The following USP10 variants were observed in gnomAD, a reference collection of about 807,000 sequenced individuals.
The protein encoded by USP10 is ubiquitin carboxyl-terminal hydrolase 10.
USP10 carries 22 observed loss-of-function variants against 84.5 expected under a neutral mutation model. The observed-to-expected ratio is 0.26, with a 90% confidence interval of 0.19 to 0.37. The LOEUF is 0.37. Among genes scored for constraint, USP10 ranks in the 10% least tolerant of loss-of-function variants. The probability of loss-of-function intolerance (pLI) is 1.00; values close to 1 mark genes in which losing one functional copy is unlikely to be tolerated. For missense variants in USP10, 1,019 were observed against 998.9 expected, an observed-to-expected ratio of 1.02 and a Z score of -0.27; for synonymous variants, 454 against 387.6, an observed-to-expected ratio of 1.17 and a Z score of -2.01.
In USP10 at chr16:84,764,092, C is replaced by A. The variant is rs370050970; in HGVS notation, c.1661C>A (p.Thr554Lys). 1.1e-5 allele frequency: 17 copies of A among 1,611,986 alleles called. 1 individual carries two copies. The highest frequency in any genetic ancestry group is 5.4e-5 in the African/African-American group (4 of 74,712). Residue 554 changes from threonine to lysine, a missense_variant, in exon 10 of 14, where the codon ACG (threonine) becomes AAG (lysine). By Grantham distance (78) the Thr-to-Lys change is moderately conservative. Transcript: ENST00000219473. ...KLLSPSNEKL[T>K]ISNGPKNHSV... Reference sequence around the variant, plus strand: ...CAGATGCTCTCCTTTTCAGAACTTACGATTTCCAACGGCCCCAAAAACCAC... The same window carrying A: ...CAGATGCTCTCCTTTTCAGAACTTAAGATTTCCAACGGCCCCAAAAACCAC...
intron 2 of USP10, among the ~76,000 whole-genome samples, chr16:84,737,741 T>C (rs1328870602): frequency 1.3e-5 from 2 of 152,220 alleles, no homozygotes; most frequent in Non-Finnish European, 2.9e-5. Context: ...GCTGGCAGTG[T>C]CGCCTGGCTT....
At position 84,716,459 on chromosome 16, in the gene USP10, C is replaced by T. The variant is rs1053794333; in HGVS notation, c.21+16348C>T. 4 of 152,130 alleles carry T rather than the reference C, an allele frequency of 2.6e-5. No homozygotes were observed. The South Asian group carries it at 6.2e-4, about 24-fold the overall frequency. 9.4% of individuals were successfully genotyped at this position (152,130 alleles called of 1,614,324 possible). A position where few individuals can be genotyped will look rare whatever the true frequency, so the allele number is the denominator to read the frequency against. ...TCTTTATTAGATTCTCAGTATTGTG[C>T]TTCAGTGGACGAAATACAGACTGAC... is the stretch of plus-strand genomic sequence containing the variant. On this transcript the variant is annotated intron_variant, in intron 1 of 13. Transcript: ENST00000219473.
At chr16:84,739,775 A>C (rs1259645251) in intron 2 of USP10, among the ~76,000 whole-genome samples, 1 of 152,222 alleles carries the variant, frequency 6.6e-6, no homozygotes, top group Non-Finnish European at 1.5e-5. Context: ...TAATGTAGTT[A>C]ATTAAGGCAC....
intron 9 of USP10, 139 bp downstream of exon 9, chr16:84,763,227 C>T (rs535289940): frequency 2.0e-6 from 1 of 500,120 alleles, no homozygotes; most frequent in Non-Finnish European, 3.6e-6. Context: ...ATAACTTACA[C>T]CATCGAGAAG....
rs181651322 is a variant in USP10, at chr16:84,772,251, A to G, written c.1999-290A>G. Among the ~76,000 whole-genome samples, 41 of 152,186 alleles carry G rather than the reference A, an allele frequency of 2.7e-4. No homozygotes were observed. In the East Asian group the frequency reaches 6.4e-3, roughly 24 times the overall value. ...TTTTTAGTAGAGACGGGATTTCACC[A>G]TGTTGGCCAGGCTGGTCTCAAACTC... On this transcript the variant is annotated intron_variant, in intron 11 of 13. Transcript: ENST00000219473.
chr16:84,777,257 G>C (rs1915119117), intron 13 of USP10, among the ~76,000 whole-genome samples: 1 of 152,224 alleles, frequency 6.6e-6, no homozygotes, highest in Non-Finnish European at 1.5e-5. Context: ...TATGAAACTA[G>C]AATGGTGACA....
chr16:84,712,596 C>T (rs186218472), intron 1 of USP10, among the ~76,000 whole-genome samples: 39 of 152,250 alleles, frequency 2.6e-4, no homozygotes, highest in Admixed American at 1.4e-3. Context: ...AGTTCAGGAC[C>T]ACAGCATGCA....
chr16:84,768,409 T>C, intron 11 of USP10, 51 bp downstream of exon 11: 8 of 1,450,834 alleles, frequency 5.5e-6, no homozygotes, highest in African/African-American at 1.4e-5. Flanking sequence ...TCTGGTTTGG[T>C]GGAAAGAACA....
At chr16:84,707,067 A>G (rs2150755466) in intron 1 of USP10, among the ~76,000 whole-genome samples, 1 of 152,342 alleles carries the variant, frequency 6.6e-6, no homozygotes, top group East Asian at 1.9e-4. Context: ...TGAGTAAGAT[A>G]AGACCCAGAG....
intron 1 of USP10, among the ~76,000 whole-genome samples, chr16:84,727,241 G>A (rs529055713): frequency 1.1e-4 from 17 of 152,284 alleles, no homozygotes; most frequent in African/African-American, 3.6e-4. Flanking sequence ...CATGTCATCA[G>A]TGGCATTTCC....
intron 2 of USP10, among the ~76,000 whole-genome samples, chr16:84,735,211 G>A (rs1317817051): frequency 1.4e-4 from 9 of 62,744 alleles, no homozygotes; most frequent in South Asian, 1.4e-3. Context: ...GTGTGTGTGT[G>A]TGTGTGTGTG....
intron 1 of USP10, among the ~76,000 whole-genome samples, chr16:84,710,141 A>G (rs545693751): frequency 1.3e-5 from 2 of 152,122 alleles, no homozygotes; most frequent in South Asian, 2.1e-4. Flanking sequence ...GTGGTGGCGC[A>G]TGTCTGTAAT....
At chr16:84,772,748 C>G in intron 12 of USP10, 63 bp downstream of exon 12, 1 of 1,583,382 alleles carries the variant, frequency 6.3e-7, no homozygotes, top group Non-Finnish European at 8.6e-7. Context: ...AGAAGCTCAA[C>G]CCTGTAGCAT....
At chr16:84,721,783 C>G (rs777778676) in intron 1 of USP10, among the ~76,000 whole-genome samples, 1 of 152,156 alleles carries the variant, frequency 6.6e-6, no homozygotes, top group Non-Finnish European at 1.5e-5. Flanking sequence ...CTGCAACCTC[C>G]GCCTCCCGGG....
chr16:84,724,386 T>C (rs1443368982), intron 1 of USP10, among the ~76,000 whole-genome samples: 1 of 152,162 alleles, frequency 6.6e-6, no homozygotes, highest in African/African-American at 2.4e-5. Context: ...AACCATACTT[T>C]GAGAGGTAAA....
intron 1 of USP10, among the ~76,000 whole-genome samples, chr16:84,725,425 G>A (rs1908327842): frequency 6.6e-6 from 1 of 151,982 alleles, no homozygotes; most frequent in African/African-American, 2.4e-5. Flanking sequence ...TTGAGACGGA[G>A]TTTTGCTCTT....
chr16:84,721,823 G>T (rs759725649), intron 1 of USP10, among the ~76,000 whole-genome samples: 2 of 152,152 alleles, frequency 1.3e-5, no homozygotes, highest in Admixed American at 1.3e-4. Flanking sequence ...TCAGCCTCTC[G>T]AGTAGCTGGG....
intron 1 of USP10, among the ~76,000 whole-genome samples, chr16:84,706,537 T>TA (rs1337106438): frequency 6.8e-6 from 1 of 148,128 alleles, no homozygotes; most frequent in Non-Finnish European, 1.5e-5. Flanking sequence ...TTTATATATA[T>TA]TTTTATATAT....
intron 2 of USP10, among the ~76,000 whole-genome samples, chr16:84,739,209 C>A (rs1910320342): frequency 6.6e-6 from 1 of 151,660 alleles, no homozygotes. Flanking sequence ...CAGGCACCCA[C>A]CACCATGCCC....
Sources: allele counts gnomAD v4.1 joint callset (sites outside exome capture counted in the v4.1 genomes callset), GRCh38; gene constraint gnomAD v4.1.1; transcripts MANE v1.5; gene names NCBI Gene and HGNC (gene_info 2026-07-23, HGNC 2026-07-21).